BMP5: variants seen among roughly 807,000 people sequenced by gnomAD.
BMP5 encodes bone morphogenetic protein 5.
Under a neutral mutation model 46.6 loss-of-function variants are expected in BMP5, and 23 were observed. The observed-to-expected ratio is 0.49, with a 90% CI of 0.35 to 0.70. BMP5 has a LOEUF of 0.70. Among genes scored for constraint, BMP5 ranks in the 30% least tolerant of loss-of-function variants. The pLI is 0.00. For missense variants in BMP5, 545 were observed against 565.6 expected, an observed-to-expected ratio of 0.96 and a Z score of 0.37; for synonymous variants, 204 against 191.9, an observed-to-expected ratio of 1.06 and a Z score of -0.52.
At chr6:55,842,215 C>A (rs888805814) in intron 1 of BMP5, among the ~76,000 whole-genome samples, 2 of 152,042 alleles carry the variant, frequency 1.3e-5, no homozygotes, top group Non-Finnish European at 2.9e-5. Context: ...TTTCTTAGAG[C>A]GGATCTATTT....
chr6:55,784,681 TACTGTTACATATTGTGG>T (rs1775405030), intron 3 of BMP5, among the ~76,000 whole-genome samples: 1 of 151,736 alleles, frequency 6.6e-6, no homozygotes. Context: ...GTGACAGAAT[TACTGTTACATATTGTGG>T]ACCACATCAC....
intron 2 of BMP5, among the ~76,000 whole-genome samples, chr6:55,810,333 A>G (rs1244665792): frequency 6.6e-6 from 1 of 152,240 alleles, no homozygotes; most frequent in Non-Finnish European, 1.5e-5. Context: ...AATGAAAAGC[A>G]TGGCAGAAAT....
chr6:55,801,842 A>C (rs533023864), intron 2 of BMP5, among the ~76,000 whole-genome samples: 1 of 152,194 alleles, frequency 6.6e-6, no homozygotes, highest in African/African-American at 2.4e-5. Flanking sequence ...ACTTATCCAT[A>C]GAATTCCATA....
intron 3 of BMP5, among the ~76,000 whole-genome samples, chr6:55,783,550 T>C (rs1775376738): frequency 6.6e-6 from 1 of 152,136 alleles, no homozygotes; most frequent in Middle Eastern, 3.4e-3. Context: ...CCAGCACTAC[T>C]GCTAGTTTTG....
chr6:55,843,100 T>C (rs1444119878), intron 1 of BMP5, among the ~76,000 whole-genome samples: 1 of 152,042 alleles, frequency 6.6e-6, no homozygotes, highest in African/African-American at 2.4e-5. Context: ...AAATAAAGCA[T>C]TAAGATTTTT....
At chr6:55,813,348 C>G (rs902250401) in intron 2 of BMP5, among the ~76,000 whole-genome samples, 4 of 151,794 alleles carry the variant, frequency 2.6e-5, no homozygotes, top group African/African-American at 9.7e-5. Flanking sequence ...TACCCACAGC[C>G]TGCAATGAAT....
intron 1 of BMP5, among the ~76,000 whole-genome samples, chr6:55,847,090 G>C (rs1425242308): frequency 6.6e-6 from 1 of 151,796 alleles, no homozygotes; most frequent in Non-Finnish European, 1.5e-5. Context: ...CATAGACTAG[G>C]CACTGCAGTT....
intron 2 of BMP5, among the ~76,000 whole-genome samples, chr6:55,802,177 A>G (rs1775865434): frequency 6.6e-6 from 1 of 152,190 alleles, no homozygotes; most frequent in Non-Finnish European, 1.5e-5. Context: ...ACATTGGGCT[A>G]TGTTGGTCCA....
chr6:55,850,639 C>T (rs1038926977), intron 1 of BMP5, among the ~76,000 whole-genome samples: 2 of 152,176 alleles, frequency 1.3e-5, no homozygotes, highest in Non-Finnish European at 2.9e-5. Flanking sequence ...CTTTCCTCTT[C>T]TGGCAAAGCA....
At chr6:55,784,633 A>G (rs1775403669) in intron 3 of BMP5, among the ~76,000 whole-genome samples, 1 of 151,776 alleles carries the variant, frequency 6.6e-6, no homozygotes, top group Admixed American at 6.6e-5. Context: ...AATTACACAA[A>G]GAGACAAAAG....
chr6:55,785,439 T>C (rs1775424310), intron 3 of BMP5, among the ~76,000 whole-genome samples: 1 of 151,768 alleles, frequency 6.6e-6, no homozygotes, highest in African/African-American at 2.4e-5. Flanking sequence ...TTGTATGCAG[T>C]GGGCAAATGA....
At chr6:55,836,553 A>C (rs769119326) in intron 1 of BMP5, among the ~76,000 whole-genome samples, 3 of 151,968 alleles carry the variant, frequency 2.0e-5, no homozygotes, top group Non-Finnish European at 4.4e-5. Flanking sequence ...GTAGATTGCC[A>C]GTTGACAATA....
intron 2 of BMP5, among the ~76,000 whole-genome samples, chr6:55,795,151 CA>C (rs1180732228): frequency 6.6e-6 from 1 of 152,008 alleles, no homozygotes; most frequent in Non-Finnish European, 1.5e-5. Context: ...TTAATTTTAG[CA>C]TTATATTTAT....
At chr6:55,815,524 TGAAATCC>T (rs1776239626) in intron 2 of BMP5, among the ~76,000 whole-genome samples, 1 of 152,110 alleles carries the variant, frequency 6.6e-6, no homozygotes, top group Non-Finnish European at 1.5e-5. Context: ...AAAATATCAG[TGAAATCC>T]TAAATCTGAG....
At chr6:55,768,562 T>C (rs1012462757) in intron 4 of BMP5, among the ~76,000 whole-genome samples, 7 of 151,924 alleles carry the variant, frequency 4.6e-5, no homozygotes, top group Non-Finnish European at 1.0e-4. Flanking sequence ...CTGCAAACTT[T>C]ATTTGGGTTT....
rs1777623229 is a variant in BMP5, at chr6:55,865,632, G to A, written c.490+8744C>T. Among the ~76,000 whole-genome samples, 4 of 152,310 alleles carry A rather than the reference G, an allele frequency of 2.6e-5. No individual in the cohort carries two copies. The South Asian group carries it at 8.3e-4, about 32-fold the overall frequency. ...ACAGAGGAAAAATTATGTGCATAAT[G>A]TTTCAGAATTTCAGCAAGGCATTTA... On this transcript the variant is annotated intron_variant, in intron 1 of 6. Coordinates refer to ENST00000370830, the MANE Select transcript of BMP5 (RefSeq NM_021073.4).
chr6:55,782,697 A>G (rs2127524701), intron 3 of BMP5, among the ~76,000 whole-genome samples: 1 of 152,266 alleles, frequency 6.6e-6, no homozygotes, highest in East Asian at 1.9e-4. Context: ...CCTGAGAGTA[A>G]TAAGAAGCGT....
chr6:55,795,458 G>A (rs973324244), intron 2 of BMP5, among the ~76,000 whole-genome samples: 1 of 151,838 alleles, frequency 6.6e-6, no homozygotes, highest in African/African-American at 2.4e-5. Flanking sequence ...ATTATACTAG[G>A]TTAAATATCA....
chr6:55,763,935 G>A (rs1164513057), intron 4 of BMP5, among the ~76,000 whole-genome samples: 1 of 151,972 alleles, frequency 6.6e-6, no homozygotes, highest in East Asian at 1.9e-4. Flanking sequence ...ATAAAATCAT[G>A]AAAAACAAAA....
Sources: gnomAD v4.1 joint callset for allele counts (sites outside exome capture counted in the v4.1 genomes callset) on GRCh38, gnomAD v4.1.1 for gene constraint, MANE v1.5 for transcripts, NCBI Gene and HGNC (gene_info 2026-07-23, HGNC 2026-07-21) for gene names.